The following CCDC102B variants were observed in gnomAD, a reference collection of about 807,000 sequenced individuals.
The protein encoded by CCDC102B is coiled-coil domain containing 102B, also known as coiled-coil domain-containing protein 102B.
A neutral mutation model predicts 57.4 loss-of-function variants in CCDC102B; 75 were observed. The ratio of observed to expected loss-of-function variants is 1.31; its 90% CI spans 1.08 to 1.58. The LOEUF (loss-of-function observed/expected upper bound fraction) is 1.58. Among genes scored for constraint, CCDC102B ranks in the 40% most tolerant of loss-of-function variants. The probability of loss-of-function intolerance (pLI) is 0.00; values close to 1 mark genes in which losing one functional copy is unlikely to be tolerated. For missense variants in CCDC102B, 636 were observed against 582.6 expected (o/e 1.09, Z -0.94); for synonymous variants, 206 against 201.9 (o/e 1.02, Z -0.17).
chr18:68,773,456 AGTTTT>A (rs1325254795), intron 2 of CCDC102B, among the ~76,000 whole-genome samples: 1 of 152,046 alleles, frequency 6.6e-6, no homozygotes, highest in Admixed American at 6.6e-5. Flanking sequence ...TCCATAACAC[AGTTTT>A]ATTTACTGTA....
intron 3 of CCDC102B, among the ~76,000 whole-genome samples, chr18:68,839,567 G>T (rs746012722): frequency 2.6e-5 from 4 of 152,138 alleles, no homozygotes; most frequent in African/African-American, 9.7e-5. Flanking sequence ...CAAGAATCGC[G>T]AGCATGGCTT....
intron 5 of CCDC102B, among the ~76,000 whole-genome samples, chr18:68,877,947 G>A (rs185142331): frequency 2.4e-4 from 36 of 152,258 alleles, no homozygotes; most frequent in African/African-American, 8.4e-4. Context: ...TTGAATGAAT[G>A]AGGGAAGGAT....
chr18:68,801,603 T>C (rs2035856314), intron 1 of CCDC102B, among the ~76,000 whole-genome samples: 1 of 152,118 alleles, frequency 6.6e-6, no homozygotes, highest in South Asian at 2.1e-4. Flanking sequence ...AATTTATAAA[T>C]ATATCTTATC....
intron 7 of CCDC102B, among the ~76,000 whole-genome samples, chr18:69,034,041 T>C (rs1156363205): frequency 2.0e-5 from 3 of 152,020 alleles, no homozygotes; most frequent in African/African-American, 4.8e-5. Context: ...TCTAAATTGG[T>C]TTGTCTTTTT....
At chr18:68,732,626 C>A (rs929221908) in intron 2 of CCDC102B, among the ~76,000 whole-genome samples, 3 of 152,132 alleles carry the variant, frequency 2.0e-5, no homozygotes, top group African/African-American at 7.2e-5. Context: ...GGATTACAGG[C>A]ATGACCCACA....
At chr18:69,045,859 T>C (rs922653107) in intron 7 of CCDC102B, among the ~76,000 whole-genome samples, 1 of 152,190 alleles carries the variant, frequency 6.6e-6, no homozygotes, top group Non-Finnish European at 1.5e-5. Flanking sequence ...CATGTGGTAT[T>C]TGGTTTTCTG....
intron 6 of CCDC102B, among the ~76,000 whole-genome samples, chr18:68,969,881 A>G (rs2050259111): frequency 6.6e-6 from 1 of 152,078 alleles, no homozygotes; most frequent in African/African-American, 2.4e-5. Flanking sequence ...CAAATTATCA[A>G]TGGTTTTAAA....
rs1346772299 is a variant in CCDC102B at position 68,836,892 on chromosome 18, C to T, written c.129C>T (p.Cys43=). The change falls in exon 2 of 8, where the codon TGC becomes TGT. Residue 43 remains cysteine, a synonymous_variant. Transcript: ENST00000360242. ...CCCCCAGGGATACCTGTAATACCTG[C>T]TTCCCACTTCATGGGCTACAATCTC... The part of the protein sequence containing the change: ...ASPPRDTCNT[C]FPLHGLQSHA... 4 of 1,614,050 alleles carry T rather than the reference C, an allele frequency of 2.5e-6. No individual in the cohort carries two copies. The highest frequency in any genetic ancestry group is 3.4e-6 in the Non-Finnish European group (4 of 1,180,038).
At chr18:68,811,735 G>T (rs73458021) in intron 1 of CCDC102B, among the ~76,000 whole-genome samples, 1,855 of 152,268 alleles carry the variant, frequency 0.012, 48 homozygotes, top group African/African-American at 0.042. Context: ...AAGGAAGAAG[G>T]CTTTCTGGAA....
intron 6 of CCDC102B, among the ~76,000 whole-genome samples, chr18:69,003,909 T>G (rs1388489066): frequency 6.6e-6 from 1 of 152,212 alleles, no homozygotes; most frequent in Non-Finnish European, 1.5e-5. Context: ...TTTGCCTAGT[T>G]TTCTGTGGTA....
chr18:68,995,534 G>A (rs865920412), intron 6 of CCDC102B, among the ~76,000 whole-genome samples: 4 of 152,118 alleles, frequency 2.6e-5, no homozygotes, highest in South Asian at 2.1e-4. Context: ...GCCATTGCTT[G>A]AGAGGGTACA....
intron 3 of CCDC102B, among the ~76,000 whole-genome samples, chr18:68,841,528 A>AC (rs769907351): frequency 2.3e-4 from 35 of 152,266 alleles, no homozygotes; most frequent in Non-Finnish European, 4.3e-4. Context: ...GCCTATGTGT[A>AC]CCTAAACATT....
At chr18:68,740,175 T>A (rs1463809208) in intron 2 of CCDC102B, among the ~76,000 whole-genome samples, 27 of 152,182 alleles carry the variant, frequency 1.8e-4, no homozygotes, top group Admixed American at 1.8e-3. Flanking sequence ...CCTGCCCCAG[T>A]TGAGACAACC....
At chr18:68,749,584 T>C (rs1568231040) in intron 2 of CCDC102B, among the ~76,000 whole-genome samples, 1 of 152,150 alleles carries the variant, frequency 6.6e-6, no homozygotes, top group Admixed American at 6.5e-5. Flanking sequence ...GTTTGTCTGT[T>C]ATTGGTGTAT....
intron 2 of CCDC102B, among the ~76,000 whole-genome samples, chr18:68,718,641 C>T (rs374476165): frequency 7.2e-5 from 11 of 151,942 alleles, no homozygotes; most frequent in African/African-American, 1.5e-4. Flanking sequence ...AAGCTACATA[C>T]ATTTATGTTT....
At chr18:69,017,439 C>T (rs983568463) in intron 7 of CCDC102B, among the ~76,000 whole-genome samples, 10 of 151,944 alleles carry the variant, frequency 6.6e-5, no homozygotes, top group African/African-American at 1.9e-4. Context: ...TTCTTTCTTT[C>T]GTGGAACTCT....
upstream of CCDC102B, among the ~76,000 whole-genome samples, chr18:68,795,378 TTA>T (rs915903408): frequency 3.9e-5 from 6 of 152,208 alleles, no homozygotes; most frequent in African/African-American, 1.4e-4. Context: ...TATTTCAGAA[TTA>T]TATGTCTATT....
intron 6 of CCDC102B, among the ~76,000 whole-genome samples, chr18:68,975,679 G>T (rs993972363): frequency 2.6e-5 from 4 of 151,992 alleles, no homozygotes; most frequent in Non-Finnish European, 5.9e-5. Flanking sequence ...GCTTTTCTGT[G>T]TAGTGTTCAT....
chr18:68,723,718 G>A (rs2032464500), intron 2 of CCDC102B, among the ~76,000 whole-genome samples: 1 of 152,210 alleles, frequency 6.6e-6, no homozygotes, highest in African/African-American at 2.4e-5. Flanking sequence ...GCTTTGCAGG[G>A]TACATACAGC....
Sources: gnomAD v4.1 joint callset for allele counts (sites outside exome capture counted in the v4.1 genomes callset) on GRCh38, gnomAD v4.1.1 for gene constraint, MANE v1.5 for transcripts, NCBI Gene and HGNC (gene_info 2026-07-23, HGNC 2026-07-21) for gene names.